Variants in ELP3 observed in about 807,000 individuals in gnomAD.
ELP3 encodes elongator acetyltransferase complex subunit 3, also known as elongator complex protein 3.
In ELP3, 56 loss-of-function variants were observed where a neutral mutation model predicts 74.9. The observed-to-expected ratio is 0.75, with a 90% CI of 0.60 to 0.93. The LOEUF (loss-of-function observed/expected upper bound fraction) is 0.93, where lower values mean the gene tolerates loss of function less well. Ranked by LOEUF, ELP3 falls within the 40% of genes least tolerant of loss-of-function variation. The pLI is 0.00. For missense variants in ELP3, 573 were observed against 686.5 expected (o/e 0.83, Z 1.85); for synonymous variants, 222 against 239.8 (o/e 0.93, Z 0.68).
intron 3 of ELP3, among the ~76,000 whole-genome samples, chr8:28,106,439 C>T (rs1212775939): frequency 2.0e-5 from 3 of 148,910 alleles, no homozygotes; most frequent in Non-Finnish European, 3.0e-5. Context: ...ACCTGGGAGG[C>T]TGAGGCAGGA....
chr8:28,177,799 A>G (rs559886843), intron 14 of ELP3, among the ~76,000 whole-genome samples: 83 of 152,344 alleles, frequency 5.4e-4, no homozygotes, highest in Admixed American at 1.2e-3. Flanking sequence ...TATTAAGCCA[A>G]GGTTTTTCTT....
chr8:28,113,884 G>A (rs1320202105), intron 7 of ELP3: 1 of 152,106 alleles, frequency 6.6e-6, no homozygotes, highest in Non-Finnish European at 1.5e-5. Flanking sequence ...TTCAACATGA[G>A]TTTTAGAGGG....
At chr8:28,141,709 A>G (rs1813244732) in intron 10 of ELP3, among the ~76,000 whole-genome samples, 1 of 152,218 alleles carries the variant, frequency 6.6e-6, no homozygotes, top group African/African-American at 2.4e-5. Flanking sequence ...GGGACTTTTT[A>G]TGTAACTTTG....
At position 28,103,167 on chromosome 8, in the gene ELP3, C is replaced by G. The variant is rs545869166; in HGVS notation, c.258+3201C>G. 2.1e-3 allele frequency among the ~76,000 whole-genome samples: 308 copies of G among 149,562 alleles called. 4 individuals carry two copies. Among genetic ancestry groups the G allele is most frequent in the African/African-American group, 7.2e-3 (290 of 40,298 alleles). On this transcript the variant is annotated intron_variant, in intron 3 of 14. Coordinates refer to ENST00000256398, the MANE Select transcript of ELP3 (RefSeq NM_018091.6). ...CCTGGGTGACAGAGCGAGATTCTGT[C>G]TCAAAAAAACAAACAAACAAACAAA...
At position 28,137,706 on chromosome 8, in the gene ELP3, T is replaced by G. The variant is rs1451643326; in HGVS notation, c.915T>G (p.Phe305Leu). 13 of 1,612,888 alleles carry G rather than the reference T, an allele frequency of 8.1e-6. No individual in the cohort carries two copies. In the South Asian group the frequency reaches 1.4e-4, roughly 18 times the overall value. ...CTGTTCTCTATTCACAGGAGTTTTT[T>G]GAGAACCCTGCTTTTCGTCCCGATG... ...ERDIEQFTEFFENPAFRPDGL... is the reference protein window; with the variant it reads ...ERDIEQFTEFLENPAFRPDGL... Residue 305 changes from phenylalanine (F) to leucine (L), a missense_variant, in exon 10 of 15, where the codon TTT (phenylalanine) becomes TTG (leucine). By Grantham distance (22) the Phe-to-Leu change is conservative. Transcript: ENST00000256398.
intron 9 of ELP3, among the ~76,000 whole-genome samples, chr8:28,135,650 G>A (rs1446442006): frequency 6.6e-6 from 1 of 152,112 alleles, no homozygotes; most frequent in Non-Finnish European, 1.5e-5. Flanking sequence ...AAGGCTAAGG[G>A]TTAACGGATA....
chr8:28,145,105 T>C (rs1813382509), intron 10 of ELP3, among the ~76,000 whole-genome samples: 1 of 152,174 alleles, frequency 6.6e-6, no homozygotes, highest in Admixed American at 6.5e-5. Flanking sequence ...GAAATAAAAG[T>C]GCTCAGAAAA....
rs1178796587 is a variant in ELP3, at chr8:28,183,343, G to A, written c.1568-6306G>A. 6 of 409,802 alleles carry A rather than the reference G, an allele frequency of 1.5e-5. No homozygotes were observed. The East Asian group carries it at 3.6e-4, about 24-fold the overall frequency. The allele number at this position is 409,802 out of a possible 1,614,324, so 25.4% of individuals were successfully genotyped here. ...AATATTTATCCTGCCTACAGAGTAGGGAAAAGGTCATGTAGGAAAGCTCAG... is the reference window on the plus strand; with the variant it reads ...AATATTTATCCTGCCTACAGAGTAGAGAAAAGGTCATGTAGGAAAGCTCAG... On this transcript the variant is annotated intron_variant, in intron 14 of 14. Transcript: ENST00000256398.
intron 14 of ELP3, among the ~76,000 whole-genome samples, chr8:28,163,376 A>T (rs1982442): frequency 0.097 from 14,701 of 151,786 alleles, 991 homozygotes; most frequent in Non-Finnish European, 0.14. Flanking sequence ...GAGGTTTTTT[A>T]AAAAAAAATA....
At chr8:28,150,280 ATTTT>A (rs1414924435) in intron 10 of ELP3, among the ~76,000 whole-genome samples, 55 of 152,186 alleles carry the variant, frequency 3.6e-4, no homozygotes, top group African/African-American at 1.3e-3. Context: ...GAAAGGTTTT[ATTTT>A]ACCCTTGTTT....
chr8:28,180,442 C>T (rs1196244491), intron 14 of ELP3, among the ~76,000 whole-genome samples: 4 of 152,174 alleles, frequency 2.6e-5, no homozygotes, highest in African/African-American at 7.2e-5. Flanking sequence ...TCCTAAATTT[C>T]TGGTATCTTT....
At chr8:28,171,750 T>C (rs1400739926) in intron 14 of ELP3, among the ~76,000 whole-genome samples, 1 of 152,150 alleles carries the variant, frequency 6.6e-6, no homozygotes, top group Non-Finnish European at 1.5e-5. Flanking sequence ...ATAAAGATTT[T>C]CCTCTCTGTT....
At chr8:28,158,690 C>T (rs552895793) in intron 12 of ELP3, 57 bp downstream of exon 12, 1 of 1,383,286 alleles carries the variant, frequency 7.2e-7, no homozygotes, top group African/African-American at 1.4e-5. Flanking sequence ...TTTGCCAACC[C>T]TGGGCCCACA....
chr8:28,156,051 G>A lies in ELP3; in HGVS notation c.1191+19G>A, dbSNP rs745496625. On this transcript the variant is annotated intron_variant, in intron 11 of 14. Transcript: ENST00000256398. ...AATACAGGTAAGAGCAAATATGGCG[G>A]TCAGGCCACAACTGTTGAGAAAAAG... The A allele has an allele frequency of 4.8e-5, 77 of 1,596,534 alleles. No individual in the cohort carries two copies. Among genetic ancestry groups the A allele is most frequent in the African/African-American group, 4.7e-4 (35 of 74,568 alleles).
chr8:28,164,672 A>G (rs1814238525), intron 14 of ELP3, among the ~76,000 whole-genome samples: 1 of 152,118 alleles, frequency 6.6e-6, no homozygotes, highest in Admixed American at 6.5e-5. Context: ...AAGAACAAGA[A>G]CATTTGCTGT....
chr8:28,120,332 T>C (rs557443829), intron 7 of ELP3, among the ~76,000 whole-genome samples: 1 of 152,348 alleles, frequency 6.6e-6, no homozygotes, highest in African/African-American at 2.4e-5. Context: ...TGATGACTAA[T>C]GATGTTGAAC....
chr8:28,176,299 C>T (rs1191744540), intron 14 of ELP3, among the ~76,000 whole-genome samples: 1 of 152,130 alleles, frequency 6.6e-6, no homozygotes, highest in African/African-American at 2.4e-5. Flanking sequence ...TTGATACACT[C>T]CACGAAGGAA....
At chr8:28,119,719 G>A (rs1382467931) in intron 7 of ELP3, among the ~76,000 whole-genome samples, 1 of 150,352 alleles carries the variant, frequency 6.7e-6, no homozygotes, top group East Asian at 1.9e-4. Context: ...GAATGTCACC[G>A]TCATCCCAGA....
chr8:28,185,618 G>A (rs1395568046), intron 14 of ELP3, among the ~76,000 whole-genome samples: 2 of 152,162 alleles, frequency 1.3e-5, no homozygotes, highest in Non-Finnish European at 2.9e-5. Context: ...GATAGGGGAA[G>A]TATCTGCACA....
Sources: gnomAD v4.1 joint callset for allele counts (sites outside exome capture counted in the v4.1 genomes callset) on GRCh38, gnomAD v4.1.1 for gene constraint, MANE v1.5 for transcripts, NCBI Gene and HGNC (gene_info 2026-07-23, HGNC 2026-07-21) for gene names.